The following PGBD5 variants were observed in gnomAD, a reference collection of about 807,000 sequenced individuals.
PGBD5 encodes the protein piggyBac transposable element-derived protein 5.
A neutral mutation model predicts 47.9 loss-of-function variants in PGBD5; 14 were observed. The observed-to-expected ratio is 0.29, with a 90% CI of 0.19 to 0.46. The LOEUF is 0.46. PGBD5 is among the 20% of genes least tolerant of loss of function. PGBD5 has a pLI of 1.00. For missense variants in PGBD5, 635 were observed against 716.0 expected (o/e 0.89, Z 1.29); for synonymous variants, 316 against 306.3 (o/e 1.03, Z -0.33).
chr1:230,366,923 C>T (rs928532451), intron 1 of PGBD5, among the ~76,000 whole-genome samples: 1 of 152,074 alleles, frequency 6.6e-6, no homozygotes, highest in Non-Finnish European at 1.5e-5. Context: ...CTACTTCTCA[C>T]GAGTTCATAT....
At chr1:230,338,250 G>A (rs6661555) in intron 3 of PGBD5, among the ~76,000 whole-genome samples, 110 of 152,338 alleles carry the variant, frequency 7.2e-4, no homozygotes, top group African/African-American at 2.6e-3. Context: ...AACAGCATCC[G>A]TTTATGAGCT....
rs531656536 is a variant in PGBD5 at position 230,422,832 on chromosome 1, G to A, written c.331+2766C>T. ...GAAATGTTGCTTTTAGGGCTGGCAC[G>A]GGAACTAGCACTGCTTCCTCCCTCT... On this transcript the variant is annotated intron_variant, in intron 1 of 6. Transcript: ENST00000391860. Among the ~76,000 whole-genome samples, 5 of 152,122 alleles carry A rather than the reference G, an allele frequency of 3.3e-5. No homozygotes were observed. In the East Asian group the frequency reaches 5.8e-4, roughly 18 times the overall value.
chr1:230,334,514 T>C (rs1667271003), intron 4 of PGBD5, among the ~76,000 whole-genome samples: 1 of 152,252 alleles, frequency 6.6e-6, no homozygotes, highest in South Asian at 2.1e-4. Flanking sequence ...TTCTGGCTTT[T>C]GACAATGGTC....
intron 1 of PGBD5, among the ~76,000 whole-genome samples, chr1:230,370,973 G>A (rs1243281259): frequency 6.6e-6 from 1 of 152,176 alleles, no homozygotes. Flanking sequence ...TGTGCCCTCA[G>A]GGCCTTCTTT....
chr1:230,327,455 T>C (rs1433333000), intron 5 of PGBD5, among the ~76,000 whole-genome samples: 1 of 152,140 alleles, frequency 6.6e-6, no homozygotes, highest in Non-Finnish European at 1.5e-5. Flanking sequence ...AACAGCAGCA[T>C]TTCGCATGGA....
At chr1:230,351,603 AAG>A (rs1444844733) in intron 2 of PGBD5, among the ~76,000 whole-genome samples, 1 of 152,212 alleles carries the variant, frequency 6.6e-6, no homozygotes, top group African/African-American at 2.4e-5. Context: ...GTGAGAAACA[AAG>A]AAAAAAAATG....
intron 1 of PGBD5, among the ~76,000 whole-genome samples, chr1:230,402,126 AAAAG>A (rs1657152618): frequency 6.6e-6 from 1 of 152,212 alleles, no homozygotes; most frequent in Non-Finnish European, 1.5e-5. Flanking sequence ...TCCTTAAAAA[AAAAG>A]AAATGAACAT....
chr1:230,380,409 AC>A (rs1450577117), intron 1 of PGBD5, among the ~76,000 whole-genome samples: 4 of 152,196 alleles, frequency 2.6e-5, no homozygotes, highest in African/African-American at 9.7e-5. Flanking sequence ...GGCAGGGCAT[AC>A]CTAAGTGGGG....
chr1:230,374,008 A>G (rs1023825516), intron 1 of PGBD5, among the ~76,000 whole-genome samples: 9 of 152,332 alleles, frequency 5.9e-5, no homozygotes, highest in African/African-American at 2.2e-4. Flanking sequence ...ACAGCAAAAC[A>G]GGGCAGTAAA....
intron 1 of PGBD5, among the ~76,000 whole-genome samples, chr1:230,392,872 G>A (rs566188178): frequency 2.0e-5 from 3 of 152,122 alleles, no homozygotes; most frequent in African/African-American, 7.2e-5. Context: ...GACCCCGTGG[G>A]GTTCAGCCCC....
At position 230,318,386 on chromosome 1, in the gene PGBD5, G is replaced by A. The variant is rs1199958504; in HGVS notation, c.*5039C>T. The A allele has an allele frequency of 3.9e-5, 6 of 152,370 alleles. No homozygotes were observed. The highest frequency in any genetic ancestry group is 2.6e-4 in the Admixed American group (4 of 15,308). 9.4% of individuals were successfully genotyped at this position (152,370 alleles called of 1,614,324 possible). A position where few individuals can be genotyped will look rare whatever the true frequency, so the allele number is the denominator to read the frequency against. The stretch of plus-strand genomic sequence containing the variant: ...CCTCAGTCATGTTCCTGATAAGAAC[G>A]GAAGGTATTTGGGCAGACAGCCAAG... On this transcript the variant is annotated 3_prime_UTR_variant, in exon 7 of 7. Coordinates refer to ENST00000391860, the MANE Select transcript of PGBD5 (RefSeq NM_001258311.2).
chr1:230,354,619 G>A lies in PGBD5; in HGVS notation c.759+2275C>T, dbSNP rs1667607155. Among the ~76,000 whole-genome samples, 3 of 152,174 alleles carry A rather than the reference G, an allele frequency of 2.0e-5. No individual in the cohort carries two copies. The South Asian group carries it at 6.2e-4, about 32-fold the overall frequency. On this transcript the variant is annotated intron_variant, in intron 2 of 6. Transcript: ENST00000391860. Reference sequence around the variant, plus strand: ...GCATCATAAAAATAGGCTCCAAGGAGTGGCCATAGATCTGCTTCTTCAAGG... The same window carrying A: ...GCATCATAAAAATAGGCTCCAAGGAATGGCCATAGATCTGCTTCTTCAAGG...
intron 1 of PGBD5, among the ~76,000 whole-genome samples, chr1:230,388,565 G>A (rs1441436363): frequency 3.9e-5 from 6 of 152,098 alleles, no homozygotes; most frequent in South Asian, 2.1e-4. Context: ...ACAGGCGCCC[G>A]CCACCACACC....
chr1:230,396,342 A>G (rs1656974657), intron 1 of PGBD5, among the ~76,000 whole-genome samples: 1 of 112,616 alleles, frequency 8.9e-6, no homozygotes, highest in Admixed American at 9.9e-5. Context: ...TCTACTCCCT[A>G]TTCTTAAGTT....
intron 2 of PGBD5, among the ~76,000 whole-genome samples, chr1:230,351,751 G>A (rs913343155): frequency 3.3e-5 from 5 of 152,106 alleles, no homozygotes; most frequent in Admixed American, 6.5e-5. Flanking sequence ...CACAGCCTCT[G>A]GTTCTCCTCT....
intron 1 of PGBD5, among the ~76,000 whole-genome samples, chr1:230,382,672 T>C (rs1656533274): frequency 6.6e-6 from 1 of 152,210 alleles, no homozygotes; most frequent in Admixed American, 6.5e-5. Flanking sequence ...GAGTCTGTTA[T>C]GAAAACACGT....
At chr1:230,368,168 GGA>G in intron 1 of PGBD5, 5 of 1,364,894 alleles carry the variant, frequency 3.7e-6, no homozygotes, top group Non-Finnish European at 4.9e-6. Context: ...ATAAGGTGGA[GGA>G]GAGAGAAGGC....
chr1:230,405,768 TC>T (rs1174073728), intron 1 of PGBD5, among the ~76,000 whole-genome samples: 1 of 152,132 alleles, frequency 6.6e-6, no homozygotes, highest in Non-Finnish European at 1.5e-5. Context: ...AGCCAAACGG[TC>T]TTGGGCCTTC....
At chr1:230,375,652 C>CTT (rs199545872) in intron 1 of PGBD5, among the ~76,000 whole-genome samples, 1,826 of 105,504 alleles carry the variant, frequency 0.017, 148 homozygotes, top group African/African-American at 0.041. Flanking sequence ...TCCTATTTGA[C>CTT]TTTTTTTTTT....
Sources: gnomAD v4.1 joint callset for allele counts (sites outside exome capture counted in the v4.1 genomes callset) on GRCh38, gnomAD v4.1.1 for gene constraint, MANE v1.5 for transcripts, NCBI Gene and HGNC (gene_info 2026-07-23, HGNC 2026-07-21) for gene names.